The following UTP11 variants were observed in gnomAD, a reference collection of about 807,000 sequenced individuals.
UTP11 encodes probable U3 small nucleolar RNA-associated protein 11.
UTP11 carries 29 observed loss-of-function variants against 39.0 expected under a neutral mutation model. The ratio of observed to expected loss-of-function variants is 0.74; its 90% confidence interval spans 0.55 to 1.01. UTP11 has a LOEUF of 1.01. UTP11 is among the 50% of genes least tolerant of loss of function. The pLI is 0.00. For missense variants in UTP11, 281 were observed against 306.0 expected (o/e 0.92, Z 0.61); for synonymous variants, 111 against 105.0 (o/e 1.06, Z -0.35).
intron 3 of UTP11, among the ~76,000 whole-genome samples, chr1:38,018,033 G>A (rs1646716087): frequency 6.6e-6 from 1 of 152,044 alleles, no homozygotes; most frequent in South Asian, 2.1e-4. Context: ...TCAGGGGCCT[G>A]TGTCTAGGAT....
Position 38,024,388 on chromosome 1 carries a change from G to A in UTP11, c.*760G>A, listed in dbSNP as rs1028057246. 5 of 139,438 alleles carry A rather than the reference G, an allele frequency of 3.6e-5. No homozygotes were observed. Among genetic ancestry groups the A allele is most frequent in the Non-Finnish European group, 7.6e-5 (5 of 65,698 alleles). 8.6% of individuals were successfully genotyped at this position (139,438 alleles called of 1,614,324 possible). A position where few individuals can be genotyped will look rare whatever the true frequency, so the allele number is the denominator to read the frequency against. On this transcript the variant is annotated 3_prime_UTR_variant, in exon 8 of 8. Coordinates refer to ENST00000373014, the MANE Select transcript of UTP11 (RefSeq NM_016037.4). ...TTATAGTTACAGTAAACAATTTGATGTCCTACTTTTTTTTTTTTTTTTTTT... is the reference window on the plus strand; with the variant it reads ...TTATAGTTACAGTAAACAATTTGATATCCTACTTTTTTTTTTTTTTTTTTT...
At chr1:38,016,263 A>G (rs1646706569) in intron 1 of UTP11, 96 bp from the exon 2 acceptor site, 1 of 1,237,610 alleles carries the variant, frequency 8.1e-7, no homozygotes, top group Non-Finnish European at 1.2e-6. Context: ...TTTACTGAGC[A>G]CTCCAGAGAC....
Position 38,012,756 on chromosome 1 carries a change from G to A in UTP11, c.-47G>A. 1 of 1,613,098 alleles carries A rather than the reference G, an allele frequency of 6.2e-7. No individual in the cohort carries two copies. The highest frequency in any genetic ancestry group is 8.5e-7 in the Non-Finnish European group (1 of 1,179,038). On this transcript the variant is annotated 5_prime_UTR_variant, in exon 1 of 8. In the 5' UTR this introduces an upstream ATG that the reference lacks. Coordinates refer to ENST00000373014, the MANE Select transcript of UTP11 (RefSeq NM_016037.4). ...ATCAGTGGACTTGGCGGCAGAGGCA[G>A]TGCGGATCCGGCGTTCTCCACTGAT...
At position 38,016,358 on chromosome 1, in the gene UTP11, G is replaced by T; in HGVS notation, c.64-1G>T. Reference sequence around the variant, plus strand: ...CTGTTGTTCTTTCTTTTGTCTTCTAGCCTGGCTTTCGAAAACATCTGGGCC... The same window carrying T: ...CTGTTGTTCTTTCTTTTGTCTTCTATCCTGGCTTTCGAAAACATCTGGGCC... On this transcript the variant is annotated splice_acceptor_variant, in intron 1 of 7. Transcript: ENST00000373014. LOFTEE classifies it high-confidence loss of function. The T allele has an allele frequency of 1.2e-6, 2 of 1,614,148 alleles. No individual in the cohort carries two copies. The highest frequency in any genetic ancestry group is 1.7e-6 in the Non-Finnish European group (2 of 1,179,992).
intron 1 of UTP11, among the ~76,000 whole-genome samples, chr1:38,015,350 G>T (rs1313787390): frequency 6.6e-6 from 1 of 152,216 alleles, no homozygotes; most frequent in Non-Finnish European, 1.5e-5. Context: ...CTGGAGAAGT[G>T]TATGCATTTC....
chr1:38,018,561 G>A lies in UTP11; in HGVS notation c.326G>A (p.Arg109Lys), dbSNP rs1646719098. 1.9e-6 allele frequency: 3 copies of A among 1,598,892 alleles called. No individual in the cohort carries two copies. In the African/African-American group the frequency reaches 4.0e-5, roughly 22 times the overall value. Residue 109 changes from arginine (R) to lysine (K), a missense_variant, in exon 4 of 8, where the codon AGG becomes AAG. Arg to Lys is a conservative substitution (Grantham distance 26). Coordinates refer to ENST00000373014, the MANE Select transcript of UTP11 (RefSeq NM_016037.4). ...GACGTCAAATATATAGAAATGAAGA[G>A]GGTTGCAGAAGCTAAGGTAATTCAC... The part of the protein sequence containing the change: ...TQDVKYIEMK[R>K]VAEAKKIERL...
chr1:38,019,414 G>A, intron 6 of UTP11, 31 bp downstream of exon 6: 5 of 1,494,444 alleles, frequency 3.3e-6, no homozygotes, highest in Non-Finnish European at 4.5e-6. Context: ...TCACATGTGA[G>A]CTTAGGGGAA....
rs1191044796 is a variant in UTP11 at position 38,014,447 on chromosome 1, G to A, written c.63+1582G>A. ...GTATGGAGGGTGTATGTGTTATTACGTAAACTATTTCAGATACAATACCAG... is the reference window on the plus strand; with the variant it reads ...GTATGGAGGGTGTATGTGTTATTACATAAACTATTTCAGATACAATACCAG... On this transcript the variant is annotated intron_variant, in intron 1 of 7. Transcript: ENST00000373014. Among the ~76,000 whole-genome samples the A allele has an allele frequency of 2.0e-5, 3 of 152,174 alleles. No homozygotes were observed. The East Asian group carries it at 5.8e-4, about 29-fold the overall frequency.
rs78357372 is a variant in UTP11, at chr1:38,013,179, A to G, written c.63+314A>G. On this transcript the variant is annotated intron_variant, in intron 1 of 7. Transcript: ENST00000373014. ...TGGTCTCTTCTGAGGAGTTGAGGTCAGAGCTCATGTAGGCAACAACTGCTG... is the reference window on the plus strand; with the variant it reads ...TGGTCTCTTCTGAGGAGTTGAGGTCGGAGCTCATGTAGGCAACAACTGCTG... Among the ~76,000 whole-genome samples the G allele has an allele frequency of 5.9e-5, 9 of 152,336 alleles. No homozygotes were observed. The East Asian group carries it at 1.7e-3, about 29-fold the overall frequency.
chr1:38,014,439 G>A (rs918989476), intron 1 of UTP11, among the ~76,000 whole-genome samples: 1 of 152,202 alleles, frequency 6.6e-6, no homozygotes, highest in Non-Finnish European at 1.5e-5. Flanking sequence ...GGGTGTATGT[G>A]TTATTACGTA....
At chr1:38,013,477 A>G (rs776007722) in intron 1 of UTP11, among the ~76,000 whole-genome samples, 4 of 152,180 alleles carry the variant, frequency 2.6e-5, no homozygotes, top group African/African-American at 7.2e-5. Context: ...TAGGATTTCT[A>G]TGGTGGGTGT....
At chr1:38,015,374 A>C (rs1165598167) in intron 1 of UTP11, among the ~76,000 whole-genome samples, 1 of 152,212 alleles carries the variant, frequency 6.6e-6, no homozygotes, top group African/African-American at 2.4e-5. Context: ...AAATGTTAAG[A>C]TTATTCGCAA....
At chr1:38,022,432 CCT>C (rs1557771032) in intron 6 of UTP11, among the ~76,000 whole-genome samples, 1 of 151,504 alleles carries the variant, frequency 6.6e-6, no homozygotes, top group African/African-American at 2.4e-5. Flanking sequence ...GTCTGGAACT[CCT>C]GGGCTCAAGT....
intron 2 of UTP11, 88 bp downstream of exon 2, chr1:38,016,508 G>T: frequency 5.1e-6 from 7 of 1,385,242 alleles, no homozygotes; most frequent in Non-Finnish European, 7.1e-6. Context: ...GTCCAACAGG[G>T]GATAATTTCC....
intron 6 of UTP11, among the ~76,000 whole-genome samples, chr1:38,021,427 A>T (rs991446813): frequency 6.6e-6 from 1 of 152,082 alleles, no homozygotes; most frequent in African/African-American, 2.4e-5. Context: ...TTATTAAGAG[A>T]CTGCTGGTGG....
At chr1:38,021,374 A>G (rs1646736738) in intron 6 of UTP11, among the ~76,000 whole-genome samples, 2 of 152,154 alleles carry the variant, frequency 1.3e-5, no homozygotes, top group South Asian at 4.1e-4. Flanking sequence ...ATTTTTGTCT[A>G]GTAATTATGT....
At chr1:38,019,008 TGGTAC>T in intron 4 of UTP11, 46 bp from the exon 5 acceptor site, 1 of 1,406,578 alleles carries the variant, frequency 7.1e-7, no homozygotes. Flanking sequence ...TTTTTTTTTT[TGGTAC>T]CCTAGAAGAA....
intron 1 of UTP11, 121 bp from the exon 2 acceptor site, chr1:38,016,238 G>C (rs1004046407): frequency 2.0e-6 from 2 of 990,520 alleles, no homozygotes; most frequent in Non-Finnish European, 3.1e-6. Context: ...TCATGGGTTA[G>C]CTCCAAGGAC....
chr1:38,021,796 G>A (rs1355225324), intron 6 of UTP11, among the ~76,000 whole-genome samples: 1 of 152,048 alleles, frequency 6.6e-6, no homozygotes, highest in Non-Finnish European at 1.5e-5. Flanking sequence ...GGGAGGCTGA[G>A]GCAGCAGAAT....
Sources: allele counts gnomAD v4.1 joint callset (sites outside exome capture counted in the v4.1 genomes callset), GRCh38; gene constraint gnomAD v4.1.1; transcripts MANE v1.5; gene names NCBI Gene and HGNC (gene_info 2026-07-23, HGNC 2026-07-21).